RAPGEF1: variants seen among roughly 807,000 people sequenced by gnomAD.
The protein encoded by RAPGEF1 is CRK SH3-binding GNRP.
In RAPGEF1, 33 loss-of-function variants were observed where a neutral mutation model predicts 143.3. That is an observed-to-expected ratio of 0.23 (90% CI 0.17 to 0.31). The LOEUF is 0.31. RAPGEF1 is among the 10% of genes least tolerant of loss of function. The pLI is 1.00. For missense variants in RAPGEF1, 1,199 were observed against 1,645.4 expected (o/e 0.73, Z 4.69); for synonymous variants, 629 against 676.5 (o/e 0.93, Z 1.09).
At chr9:131,635,045 C>T (rs1489720147) in intron 5 of RAPGEF1, among the ~76,000 whole-genome samples, 2 of 151,982 alleles carry the variant, frequency 1.3e-5, no homozygotes, top group East Asian at 3.9e-4. Flanking sequence ...GCCCCAGAGC[C>T]AGATGAGGGG....
Position 131,677,153 on chromosome 9 carries a change from G to A in RAPGEF1, c.62-26204C>T, listed in dbSNP as rs560508864. 1.8e-4 allele frequency among the ~76,000 whole-genome samples: 27 copies of A among 152,316 alleles called. No homozygotes were observed. In the South Asian group the frequency reaches 5.0e-3, roughly 28 times the overall value. On this transcript the variant is annotated intron_variant, in intron 1 of 26. Coordinates refer to ENST00000683357, the MANE Select transcript of RAPGEF1 (RefSeq NM_001377935.1). The stretch of plus-strand genomic sequence containing the variant: ...CTGGGGACACCAGGGGAACTTACAC[G>A]TCTGCTTTGTGTTTAAGTTCTCATC...
At chr9:131,727,091 G>A (rs1007872710) in intron 1 of RAPGEF1, among the ~76,000 whole-genome samples, 3 of 152,012 alleles carry the variant, frequency 2.0e-5, no homozygotes, top group Non-Finnish European at 2.9e-5. Context: ...ATAAGGGGAA[G>A]GTTCCCCCTT....
In RAPGEF1 at chr9:131,655,118, G is replaced by C. The variant is rs138692327; in HGVS notation, c.62-4169C>G. Among the ~76,000 whole-genome samples, 1 of 152,320 alleles carries C rather than the reference G, an allele frequency of 6.6e-6. No homozygotes were observed. Among genetic ancestry groups the C allele is most frequent in the East Asian group, 1.9e-4 (1 of 5,188 alleles). ...CTGCACGTGACTTAACAAGGCCAAAGTTCAGTTCCCTTGCTAAAGACCTTC... is the reference window on the plus strand; with the variant it reads ...CTGCACGTGACTTAACAAGGCCAAACTTCAGTTCCCTTGCTAAAGACCTTC... On this transcript the variant is annotated intron_variant, in intron 1 of 26. Transcript: ENST00000683357. This position sits in a 1 kb window ranked among gnomAD's most constrained non-coding sequence, Gnocchi z 4.1.
chr9:131,734,077 A>G (rs1377255284), intron 1 of RAPGEF1, among the ~76,000 whole-genome samples: 1 of 152,206 alleles, frequency 6.6e-6, no homozygotes, highest in Non-Finnish European at 1.5e-5. Context: ...GACTGTAGTG[A>G]GCCTCCCTTA....
intron 1 of RAPGEF1, among the ~76,000 whole-genome samples, chr9:131,663,453 CTTT>C (rs57688948): frequency 5.7e-5 from 8 of 141,412 alleles, no homozygotes; most frequent in African/African-American, 7.9e-5. Flanking sequence ...TTCTCTATAG[CTTT>C]TTTTTTTTTT....
chr9:131,711,609 C>T (rs1031181458), intron 1 of RAPGEF1, among the ~76,000 whole-genome samples: 5 of 152,198 alleles, frequency 3.3e-5, no homozygotes, highest in South Asian at 4.1e-4. Context: ...CCGCCCGCCT[C>T]GGCCTCCCAA....
intron 1 of RAPGEF1, among the ~76,000 whole-genome samples, chr9:131,701,807 G>A (rs1004767803): frequency 2.6e-5 from 4 of 152,226 alleles, no homozygotes; most frequent in African/African-American, 7.2e-5. Flanking sequence ...ACTTCTAGAA[G>A]CCTCAATTTC....
intron 12 of RAPGEF1, among the ~76,000 whole-genome samples, chr9:131,606,387 C>T (rs963702992): frequency 2.6e-5 from 4 of 152,146 alleles, no homozygotes; most frequent in African/African-American, 9.7e-5. Context: ...GGGGTGGCCA[C>T]GTCCAAAGTC....
At chr9:131,644,779 C>T (rs1055608039) in intron 3 of RAPGEF1, among the ~76,000 whole-genome samples, 7 of 151,852 alleles carry the variant, frequency 4.6e-5, no homozygotes, top group African/African-American at 1.7e-4. Context: ...GCCTGGGCAA[C>T]ATAGTGACAC....
chr9:131,614,149 C>CA (rs1958509375), intron 12 of RAPGEF1, among the ~76,000 whole-genome samples: 1 of 151,804 alleles, frequency 6.6e-6, no homozygotes, highest in African/African-American at 2.4e-5. Context: ...CACCCCCCCC[C>CA]AAGGAGGGGC....
intron 11 of RAPGEF1, among the ~76,000 whole-genome samples, chr9:131,620,355 A>G (rs558420652): frequency 2.0e-5 from 3 of 151,554 alleles, no homozygotes; most frequent in African/African-American, 7.3e-5. Context: ...CCTCCACCTC[A>G]GCCTCCCAAG....
chr9:131,682,835 T>C (rs565073291), intron 1 of RAPGEF1, among the ~76,000 whole-genome samples: 1 of 152,348 alleles, frequency 6.6e-6, no homozygotes, highest in Non-Finnish European at 1.5e-5. Flanking sequence ...GGAGTGGACA[T>C]TTCAATCATT....
chr9:131,596,278 TGA>T lies in RAPGEF1; in HGVS notation c.2689+18_2689+19del. On this transcript the variant is annotated intron_variant, in intron 17 of 26. Coordinates refer to ENST00000683357, the MANE Select transcript of RAPGEF1 (RefSeq NM_001377935.1). ...CGGGGCAGGACCAGCCCCAATCTAG[TGA>T]GCTCACTGACACCCTACCTTTCCTG... is the stretch of plus-strand genomic sequence containing the variant. 6.2e-7 allele frequency: 1 copy of T among 1,612,896 alleles called. No individual in the cohort carries two copies. Among genetic ancestry groups the T allele is most frequent in the Non-Finnish European group, 8.5e-7 (1 of 1,179,018 alleles).
Position 131,595,064 on chromosome 9 carries a change from C to T in RAPGEF1, c.2689+1234G>A, listed in dbSNP as rs541584428. 3.3e-5 allele frequency among the ~76,000 whole-genome samples: 5 copies of T among 152,362 alleles called. No homozygotes were observed. In the South Asian group the frequency reaches 6.2e-4, roughly 19 times the overall value. On this transcript the variant is annotated intron_variant, in intron 17 of 26. Coordinates refer to ENST00000683357, the MANE Select transcript of RAPGEF1 (RefSeq NM_001377935.1). The stretch of plus-strand genomic sequence containing the variant: ...TCACGCCCCCAGCACCGCTGACATG[C>T]GGGGCAGGTTTCACACTCCCTCACG...
intron 1 of RAPGEF1, among the ~76,000 whole-genome samples, chr9:131,672,450 T>G (rs1831556555): frequency 6.6e-6 from 1 of 152,220 alleles, no homozygotes; most frequent in South Asian, 2.1e-4. Flanking sequence ...TCTTTAGCCC[T>G]GGTGCAAACC....
At chr9:131,715,140 G>C (rs892782487) in intron 1 of RAPGEF1, among the ~76,000 whole-genome samples, 1 of 152,152 alleles carries the variant, frequency 6.6e-6, no homozygotes, top group Non-Finnish European at 1.5e-5. Flanking sequence ...CAAACTTATA[G>C]ATCAGTCTCA....
At chr9:131,738,549 G>A (rs901012046) in intron 1 of RAPGEF1, among the ~76,000 whole-genome samples, 1 of 152,196 alleles carries the variant, frequency 6.6e-6, no homozygotes, top group Non-Finnish European at 1.5e-5. Context: ...CAGAGGGCCA[G>A]GAATGAATAT....
chr9:131,657,362 T>C (rs894867431), intron 1 of RAPGEF1, among the ~76,000 whole-genome samples: 5 of 152,240 alleles, frequency 3.3e-5, no homozygotes, highest in South Asian at 2.1e-4. Flanking sequence ...TCGCAGGCAG[T>C]GCCACCAACT....
intron 1 of RAPGEF1, among the ~76,000 whole-genome samples, chr9:131,691,006 A>C (rs1290057218): frequency 6.6e-6 from 1 of 152,188 alleles, no homozygotes; most frequent in Non-Finnish European, 1.5e-5. Context: ...CTAGGAAATA[A>C]AGATTTTGTG....
Sources: gnomAD v4.1 joint callset for allele counts (sites outside exome capture counted in the v4.1 genomes callset) on GRCh38, gnomAD v4.1.1 for gene constraint, Gnocchi (gnomAD v3.1) non-coding constraint, MANE v1.5 for transcripts, NCBI Gene and HGNC (gene_info 2026-07-23, HGNC 2026-07-21) for gene names.